The following RBM28 variants were observed in gnomAD, a reference collection of about 807,000 sequenced individuals.
RBM28 encodes RNA-binding protein 28.
In RBM28, 78 loss-of-function variants were observed where a neutral mutation model predicts 98.3. The ratio of observed to expected loss-of-function variants is 0.79; its 90% CI spans 0.66 to 0.96. The LOEUF is 0.96. RBM28 is among the 40% of genes least tolerant of loss of function. The probability of loss-of-function intolerance (pLI) is 0.00; values close to 1 mark genes in which losing one functional copy is unlikely to be tolerated. For synonymous variants in RBM28, 306 were observed against 330.9 expected (o/e 0.92, Z 0.82); for missense variants, 838 against 913.0 (o/e 0.92, Z 1.06).
rs998922486 is a variant in RBM28, at chr7:128,302,600, A to T, written c.*8197T>A. 1 of 152,116 alleles carries T rather than the reference A, an allele frequency of 6.6e-6. No homozygotes were observed. The highest frequency in any genetic ancestry group is 1.5e-5 in the Non-Finnish European group (1 of 68,034). 9.4% of individuals were successfully genotyped at this position (152,116 alleles called of 1,614,324 possible). A position where few individuals can be genotyped will look rare whatever the true frequency, so the allele number is the denominator to read the frequency against. On this transcript the variant is annotated 3_prime_UTR_variant, in exon 19 of 19. Transcript: ENST00000223073. ...GCCTAGGAAATCACAAAATAAATGT[A>T]TTCACTCCTCAGACTCTCTTTTTTC...
At chr7:128,342,458 G>C (rs529061241) in intron 1 of RBM28, among the ~76,000 whole-genome samples, 1 of 152,236 alleles carries the variant, frequency 6.6e-6, no homozygotes, top group South Asian at 2.1e-4. Context: ...GAGGCGGGCG[G>C]ATCACCTGAG....
At chr7:128,342,117 C>T (rs1796737944) in intron 1 of RBM28, among the ~76,000 whole-genome samples, 1 of 152,142 alleles carries the variant, frequency 6.6e-6, no homozygotes, top group Admixed American at 6.5e-5. Flanking sequence ...TGTGATCGCA[C>T]CACTGCACTC....
chr7:128,311,064 G>A (rs1437211980), intron 18 of RBM28, 133 bp from the exon 19 acceptor site: 1 of 888,494 alleles, frequency 1.1e-6, no homozygotes, highest in Non-Finnish European at 1.8e-6. Context: ...GGTTTCTAGA[G>A]AGAGACTCTT....
At position 128,310,026 on chromosome 7, in the gene RBM28, AG is replaced by A. The variant is rs1404425601; in HGVS notation, c.*770del. On this transcript the variant is annotated 3_prime_UTR_variant, in exon 19 of 19. Transcript: ENST00000223073. ...TTTCAGTAGGTGTGAAGCCATCTTA[AG>A]GGGCAGACTTAATGAGGATCAAGTG... The A allele has an allele frequency of 6.6e-6, 1 of 152,258 alleles. No homozygotes were observed. The highest frequency in any genetic ancestry group is 1.5e-5 in the Non-Finnish European group (1 of 68,064). 9.4% of individuals were successfully genotyped at this position (152,258 alleles called of 1,614,324 possible).
chr7:128,330,807 G>C lies in RBM28; in HGVS notation c.1129+12C>G. On this transcript the variant is annotated intron_variant, in intron 10 of 18. Transcript: ENST00000223073. ...CAACCCTTTTAGGGCCTGGCCAGCT[G>C]ACAACACATACCTTTAGAATGCTCT... 6.3e-7 allele frequency: 1 copy of C among 1,599,652 alleles called. No homozygotes were observed. The highest frequency in any genetic ancestry group is 8.6e-7 in the Non-Finnish European group (1 of 1,166,892).
intron 16 of RBM28, among the ~76,000 whole-genome samples, chr7:128,315,263 G>C (rs939166488): frequency 1.3e-5 from 2 of 152,182 alleles, no homozygotes; most frequent in African/African-American, 4.8e-5. Context: ...AAGGGAGAGT[G>C]CATGCCCAAA....
chr7:128,324,611 C>T lies in RBM28; in HGVS notation c.1287G>A (p.Thr429=), dbSNP rs775217521. 18 of 1,614,090 alleles carry T rather than the reference C, an allele frequency of 1.1e-5. No homozygotes were observed. The African/African-American group carries it at 1.6e-4, about 14-fold the overall frequency. ...GGGTGCCAGTCGGCTTCTTCACCTT[C>T]GTCGTCTGAAGCTTTGCAGCCTCAT... The part of the protein sequence containing the change: ...TRDEAAKLQT[T]KVKKPTGTRN... The change falls in exon 12 of 19, where the codon ACG becomes ACA. Residue 429 remains threonine (T), a synonymous_variant. Transcript: ENST00000223073.
intron 1 of RBM28, among the ~76,000 whole-genome samples, chr7:128,342,996 T>C (rs949541718): frequency 3.3e-5 from 5 of 152,188 alleles, no homozygotes; most frequent in African/African-American, 1.2e-4. Flanking sequence ...GGCTTATTTT[T>C]CTCCTTAGCA....
rs1225774719 is a variant in RBM28, at chr7:128,298,515, C to A, written c.*12282G>T. 6.6e-6 allele frequency: 1 copy of A among 152,132 alleles called. No individual in the cohort carries two copies. Among genetic ancestry groups the A allele is most frequent in the Non-Finnish European group, 1.5e-5 (1 of 68,042 alleles). The allele number at this position is 152,132 out of a possible 1,614,324, so 9.4% of individuals were successfully genotyped here. A position where few individuals can be genotyped will look rare whatever the true frequency, so the allele number is the denominator to read the frequency against. On this transcript the variant is annotated 3_prime_UTR_variant, in exon 19 of 19. Transcript: ENST00000223073. ...CCAATACTTCTGTATTTTTCAGATT[C>A]TCTTTACTGAGCATATATTATTTTT...
Position 128,343,870 on chromosome 7 carries a change from T to G in RBM28, c.-77A>C. ...ACGCGAGCCGAAACGCTGGCTTTGG[T>G]AGGACAACCAAGCTCACACGCCGAG... On this transcript the variant is annotated 5_prime_UTR_variant, in exon 1 of 19. Coordinates refer to ENST00000223073, the MANE Select transcript of RBM28 (RefSeq NM_018077.3). 1 of 1,040,902 alleles carries G rather than the reference T, an allele frequency of 9.6e-7. No homozygotes were observed. Among genetic ancestry groups the G allele is most frequent in the Non-Finnish European group, 1.4e-6 (1 of 719,180 alleles). 64.5% of individuals were successfully genotyped at this position (1,040,902 alleles called of 1,614,324 possible).
intron 12 of RBM28, among the ~76,000 whole-genome samples, 172 bp from the exon 13 acceptor site, chr7:128,323,763 G>A (rs1395158915): frequency 6.6e-6 from 1 of 152,158 alleles, no homozygotes; most frequent in African/African-American, 2.4e-5. Flanking sequence ...GCTAAGTTCT[G>A]GGCTCAGAGC....
chr7:128,327,061 C>G (rs760696143), intron 10 of RBM28, among the ~76,000 whole-genome samples: 1 of 151,566 alleles, frequency 6.6e-6, no homozygotes, highest in African/African-American at 2.4e-5. Context: ...GACCTGACCT[C>G]GGGAGGTCAA....
rs1795923947 is a variant in RBM28, at chr7:128,309,022, G to A, written c.*1775C>T. 6.6e-6 allele frequency: 1 copy of A among 150,432 alleles called. No homozygotes were observed. Among genetic ancestry groups the A allele is most frequent in the Non-Finnish European group, 1.5e-5 (1 of 67,782 alleles). The allele number at this position is 150,432 out of a possible 1,614,324, so 9.3% of individuals were successfully genotyped here. On this transcript the variant is annotated 3_prime_UTR_variant, in exon 19 of 19. Transcript: ENST00000223073. ...TAACCATATCTCTAGCTCAGCAATG[G>A]TTCTGTCAAAGCATTATTTGTAACA...
At position 128,314,610 on chromosome 7, in the gene RBM28, T is replaced by C. The variant is rs183848575; in HGVS notation, c.2045+154A>G. On this transcript the variant is annotated intron_variant, in intron 17 of 18. Transcript: ENST00000223073. ...TCTAAGAGTGACATCTCTGATGGTG[T>C]TGAAGACTCGCGTGTTAACCCCATG... 2.9e-3 allele frequency among the ~76,000 whole-genome samples: 447 copies of C among 152,378 alleles called. 3 individuals carry two copies. Among genetic ancestry groups the C allele is most frequent in the African/African-American group, 1.0e-2 (415 of 41,586 alleles).
At chr7:128,321,133 T>A in intron 14 of RBM28, 133 bp downstream of exon 14, 1 of 1,283,888 alleles carries the variant, frequency 7.8e-7, no homozygotes. Flanking sequence ...ACCGCTGCAC[T>A]ACAGCCTGGG....
intron 17 of RBM28, 90 bp downstream of exon 17, chr7:128,314,674 A>G: frequency 6.3e-7 from 1 of 1,592,780 alleles, no homozygotes; most frequent in Admixed American, 1.7e-5. Flanking sequence ...TTTCAACCAA[A>G]CAAATGCCAC....
rs1795868903 is a variant in RBM28 at position 128,306,397 on chromosome 7, C to T, written c.*4400G>A. On this transcript the variant is annotated 3_prime_UTR_variant, in exon 19 of 19. Transcript: ENST00000223073. Reference sequence around the variant, plus strand: ...GTCTTTTGGGGTCCTTAGGAAATGACTCTGTTGTCCTTCACAAGCCCAGCT... The same window carrying T: ...GTCTTTTGGGGTCCTTAGGAAATGATTCTGTTGTCCTTCACAAGCCCAGCT... 6.6e-6 allele frequency: 1 copy of T among 152,240 alleles called. No homozygotes were observed. The highest frequency in any genetic ancestry group is 1.5e-5 in the Non-Finnish European group (1 of 68,070). 9.4% of individuals were successfully genotyped at this position (152,240 alleles called of 1,614,324 possible). A position where few individuals can be genotyped will look rare whatever the true frequency, so the allele number is the denominator to read the frequency against.
At chr7:128,325,983 G>T in intron 10 of RBM28, 92 bp from the exon 11 acceptor site, 1 of 994,522 alleles carries the variant, frequency 1.0e-6, no homozygotes, top group Non-Finnish European at 1.6e-6. Flanking sequence ...ACACAGAGTG[G>T]AAGGGATAGG....
At chr7:128,339,344 A>G (rs750172494) in intron 2 of RBM28, 23 bp from the exon 3 acceptor site, 21 of 1,558,634 alleles carry the variant, frequency 1.3e-5, no homozygotes, top group Non-Finnish European at 1.8e-5. Context: ...AGGTAATGGA[A>G]TAAGTACTCG....
Sources: allele counts gnomAD v4.1 joint callset (sites outside exome capture counted in the v4.1 genomes callset), GRCh38; gene constraint gnomAD v4.1.1; transcripts MANE v1.5; gene names NCBI Gene and HGNC (gene_info 2026-07-23, HGNC 2026-07-21).